LRRC39: variants seen among roughly 807,000 people sequenced by gnomAD.
The protein encoded by LRRC39 is leucine rich repeat containing 39.
In LRRC39, 35 loss-of-function variants were observed where a neutral mutation model predicts 39.7. The ratio of observed to expected loss-of-function variants is 0.88; its 90% CI spans 0.67 to 1.17. The LOEUF (loss-of-function observed/expected upper bound fraction) is 1.17. LRRC39 is among the 50% of genes most tolerant of loss of function. LRRC39 has a pLI of 0.00. For missense variants in LRRC39, 357 were observed against 385.8 expected (o/e 0.93, Z 0.62); for synonymous variants, 113 against 134.1 (o/e 0.84, Z 1.09).
Position 100,169,967 on chromosome 1 carries a change from A to C in LRRC39, c.-78-1373T>G, listed in dbSNP as rs114854071. 7.5e-3 allele frequency among the ~76,000 whole-genome samples: 1,148 copies of C among 152,282 alleles called. 12 individuals carry two copies. Among genetic ancestry groups the C allele is most frequent in the African/African-American group, 0.026 (1,080 of 41,564 alleles). On this transcript the variant is annotated intron_variant, in intron 2 of 9. Transcript: ENST00000370137. ...CCATTACTGCATAAAGCCATATCCC[A>C]GGGTGGTCATAATTTGTACTTCCCT... is the stretch of plus-strand genomic sequence containing the variant.
At chr1:100,159,998 G>T (rs1367062050) in intron 4 of LRRC39, among the ~76,000 whole-genome samples, 1 of 151,958 alleles carries the variant, frequency 6.6e-6, no homozygotes, top group African/African-American at 2.4e-5. Flanking sequence ...CTGACCCAAG[G>T]GTTAGAAGCT....
intron 5 of LRRC39, 31 bp from the exon 6 acceptor site, chr1:100,158,398 T>C: frequency 1.3e-6 from 2 of 1,572,220 alleles, no homozygotes; most frequent in Non-Finnish European, 1.7e-6. Flanking sequence ...TAGAGAGGAG[T>C]TGGATATAAA....
intron 6 of LRRC39, 132 bp from the exon 7 acceptor site, chr1:100,156,449 G>A (rs1263738298): frequency 5.3e-6 from 4 of 761,840 alleles, no homozygotes; most frequent in Non-Finnish European, 7.6e-6. Context: ...AGTCATATTA[G>A]TCCGCAACAA....
intron 2 of LRRC39, among the ~76,000 whole-genome samples, chr1:100,171,503 C>CTT (rs748078318): frequency 5.2e-4 from 68 of 130,748 alleles, no homozygotes; most frequent in Admixed American, 1.2e-3. Flanking sequence ...TTTCTTTCTT[C>CTT]TTTTTTTTTT....
intron 1 of LRRC39, among the ~76,000 whole-genome samples, chr1:100,174,214 T>C (rs1435598731): frequency 6.6e-6 from 1 of 152,140 alleles, no homozygotes; most frequent in Non-Finnish European, 1.5e-5. Context: ...ATGTTATTGG[T>C]GCAATAGAAA....
intron 8 of LRRC39, among the ~76,000 whole-genome samples, chr1:100,154,211 C>G (rs1163492665): frequency 6.6e-6 from 1 of 152,106 alleles, no homozygotes; most frequent in African/African-American, 2.4e-5. Flanking sequence ...ATTTAGCTAA[C>G]TAGAAGCCCA....
rs1312559860 is a variant in LRRC39 at position 100,156,319 on chromosome 1, TGAA to T, written c.514-5_514-3del. ...AGTAAGTTTTAGCAGATTGCTGAGC[TGAA>T]GAAGAAAGCAAGGTTTTTCAAAATA... On this transcript the variant is annotated splice_region_variant and splice_polypyrimidine_tract_variant and intron_variant, in intron 6 of 9. Transcript: ENST00000370137. 1.9e-6 allele frequency: 3 copies of T among 1,596,220 alleles called. No homozygotes were observed. The highest frequency in any genetic ancestry group is 2.6e-6 in the Non-Finnish European group (3 of 1,169,184).
At chr1:100,170,746 C>T (rs1026081759) in intron 2 of LRRC39, among the ~76,000 whole-genome samples, 4 of 152,058 alleles carry the variant, frequency 2.6e-5, no homozygotes, top group Non-Finnish European at 5.9e-5. Context: ...CAGGGTCTCA[C>T]TCTATCACCC....
chr1:100,167,778 A>AAACAAT (rs1410317212), intron 3 of LRRC39, among the ~76,000 whole-genome samples: 1 of 137,398 alleles, frequency 7.3e-6, no homozygotes, highest in Admixed American at 7.5e-5. Flanking sequence ...TCCATTTCAA[A>AAACAAT]AATAATAATA....
intron 2 of LRRC39, among the ~76,000 whole-genome samples, chr1:100,173,054 AT>A (rs1206780942): frequency 6.6e-6 from 1 of 151,580 alleles, no homozygotes; most frequent in South Asian, 2.1e-4. Context: ...TCCAAAAAAA[AT>A]AAAAATAAAA....
At chr1:100,156,141 T>C in intron 7 of LRRC39, 31 bp downstream of exon 7, 1 of 1,588,556 alleles carries the variant, frequency 6.3e-7, no homozygotes, top group Non-Finnish European at 8.6e-7. Flanking sequence ...TCAAGACTTT[T>C]ATCATTAGCA....
At chr1:100,155,446 A>G (rs982685108) in intron 7 of LRRC39, among the ~76,000 whole-genome samples, 81 of 152,318 alleles carry the variant, frequency 5.3e-4, no homozygotes, top group Middle Eastern at 3.4e-3. Context: ...ATCTTTAACC[A>G]GTATACTTAT....
intron 8 of LRRC39, among the ~76,000 whole-genome samples, chr1:100,153,073 T>C (rs1387383613): frequency 6.6e-6 from 1 of 152,194 alleles, no homozygotes; most frequent in African/African-American, 2.4e-5. Context: ...AAGAGCAATT[T>C]TAACATATCT....
At position 100,168,387 on chromosome 1, in the gene LRRC39, AAT is replaced by A; in HGVS notation, c.113+15_113+16del. 6.5e-7 allele frequency: 1 copy of A among 1,543,666 alleles called. No homozygotes were observed. Among genetic ancestry groups the A allele is most frequent in the South Asian group, 1.2e-5 (1 of 84,986 alleles). On this transcript the variant is annotated intron_variant, in intron 3 of 9. Transcript: ENST00000370137. ...GAATTTTCACTAATTCAAAATAATA[AAT>A]ATGTTTTAGCATACTTGTGTTGAAA... is the stretch of plus-strand genomic sequence containing the variant.
intron 3 of LRRC39, among the ~76,000 whole-genome samples, chr1:100,162,844 CTCT>C (rs2101782106): frequency 1.3e-5 from 2 of 152,276 alleles, no homozygotes; most frequent in Admixed American, 1.3e-4. Context: ...TGCCAGAAAT[CTCT>C]TGACATTCTG....
chr1:100,172,688 C>T (rs567702027), intron 2 of LRRC39, among the ~76,000 whole-genome samples: 1 of 151,388 alleles, frequency 6.6e-6, no homozygotes, highest in South Asian at 2.1e-4. Context: ...TGGCCAGGCG[C>T]GGTGGCTCAT....
chr1:100,156,262 G>A lies in LRRC39; in HGVS notation c.569C>T (p.Thr190Ile). ...HLDLSMNDFTTIPLAVLNMPA... is the reference protein window; with the variant it reads ...HLDLSMNDFTIIPLAVLNMPA... ...CATGTTCAACACAGCAAGAGGGATT[G>A]TAGTAAAATCGTTCATACTCAGATC... is the stretch of plus-strand genomic sequence containing the variant. Residue 190 changes from threonine to isoleucine, a missense_variant, in exon 7 of 10, where the codon ACA (threonine) becomes ATA (isoleucine). Transcript: ENST00000370137. 1 of 1,613,918 alleles carries A rather than the reference G, an allele frequency of 6.2e-7. No homozygotes were observed. The highest frequency in any genetic ancestry group is 8.5e-7 in the Non-Finnish European group (1 of 1,179,858).
intron 3 of LRRC39, among the ~76,000 whole-genome samples, chr1:100,167,711 G>A (rs1450794843): frequency 6.6e-6 from 1 of 151,636 alleles, no homozygotes; most frequent in Non-Finnish European, 1.5e-5. Context: ...GGGAGGCGGA[G>A]GTTGCAGTGA....
At chr1:100,153,681 A>AT (rs1000248585) in intron 8 of LRRC39, among the ~76,000 whole-genome samples, 1 of 152,202 alleles carries the variant, frequency 6.6e-6, no homozygotes, top group Non-Finnish European at 1.5e-5. Flanking sequence ...ATCTAAAATA[A>AT]TTTTTAAAAA....
Sources: gnomAD v4.1 joint callset for allele counts (sites outside exome capture counted in the v4.1 genomes callset) on GRCh38, gnomAD v4.1.1 for gene constraint, MANE v1.5 for transcripts, NCBI Gene and HGNC (gene_info 2026-07-23, HGNC 2026-07-21) for gene names.